CHD6: variants seen among roughly 807,000 people sequenced by gnomAD.
CHD6 encodes the protein chromodomain helicase DNA binding protein 6.
CHD6 carries 50 observed loss-of-function variants against 276.9 expected under a neutral mutation model. That is an observed-to-expected ratio of 0.18 (90% CI 0.14 to 0.23). The LOEUF is 0.23. Ranked by LOEUF, CHD6 falls within the 10% of genes least tolerant of loss-of-function variation. The pLI is 1.00. For synonymous variants in CHD6, 1,173 were observed against 1,229.3 expected (o/e 0.95, Z 0.96); for missense variants, 2,564 against 3,365.8 (o/e 0.76, Z 5.89).
At position 41,457,252 on chromosome 20, in the gene CHD6, C is replaced by G. The variant is rs1165111834; in HGVS notation, c.2829+12G>C. On this transcript the variant is annotated intron_variant, in intron 18 of 36. Coordinates refer to ENST00000373233, the MANE Select transcript of CHD6 (RefSeq NM_032221.5). ...GTTCCTTAAGACTCCAGAGCAGGCCCATCACACTCACCCCATTGGTGCCGC... is the reference window on the plus strand; with the variant it reads ...GTTCCTTAAGACTCCAGAGCAGGCCGATCACACTCACCCCATTGGTGCCGC... 9 of 1,609,972 alleles carry G rather than the reference C, an allele frequency of 5.6e-6. No homozygotes were observed. The highest frequency in any genetic ancestry group is 7.6e-6 in the Non-Finnish European group (9 of 1,176,650).
chr20:41,414,742 G>T, intron 34 of CHD6: 1 of 799,782 alleles, frequency 1.3e-6, no homozygotes, highest in Non-Finnish European at 1.6e-6. Flanking sequence ...CTCAGTTGTA[G>T]CCCAATATCA....
At chr20:41,565,698 T>G (rs1303078712) in intron 1 of CHD6, among the ~76,000 whole-genome samples, 1 of 151,982 alleles carries the variant, frequency 6.6e-6, no homozygotes, top group Non-Finnish European at 1.5e-5. Context: ...CTCTTAGTAC[T>G]ACATCAAGCT....
intron 19 of CHD6, 21 bp downstream of exon 19, chr20:41,455,779 T>C (rs1487117912): frequency 1.3e-6 from 2 of 1,488,302 alleles, no homozygotes; most frequent in Non-Finnish European, 1.8e-6. Flanking sequence ...CCCCAACAGC[T>C]CTGGAGAGAA....
chr20:41,497,796 T>C (rs970685572), intron 7 of CHD6: 22 of 459,002 alleles, frequency 4.8e-5, no homozygotes, highest in Middle Eastern at 5.8e-4. Flanking sequence ...TGAAAGTGGG[T>C]CTGTAGCAGA....
intron 3 of CHD6, among the ~76,000 whole-genome samples, chr20:41,516,536 A>T (rs1297568786): frequency 6.6e-6 from 1 of 152,158 alleles, no homozygotes; most frequent in Non-Finnish European, 1.5e-5. Context: ...AGGTTAAGTT[A>T]GATTTCCAGG....
rs1013015456 is a variant in CHD6, at chr20:41,402,903, ATTC to A, written c.*1687_*1689del. On this transcript the variant is annotated 3_prime_UTR_variant, in exon 37 of 37. Coordinates refer to ENST00000373233, the MANE Select transcript of CHD6 (RefSeq NM_032221.5). Reference sequence around the variant, plus strand: ...TAAATAGGATTTGTTCAATTACTGGATTCTTCTTCTATGATCAGTTATAGAATT... The same window carrying A: ...TAAATAGGATTTGTTCAATTACTGGATTCTTCTATGATCAGTTATAGAATT... 1.4e-5 allele frequency: 3 copies of A among 206,916 alleles called. No homozygotes were observed. Among genetic ancestry groups the A allele is most frequent in the Non-Finnish European group, 3.0e-5 (3 of 101,254 alleles). 12.8% of individuals were successfully genotyped at this position (206,916 alleles called of 1,614,324 possible). A position where few individuals can be genotyped will look rare whatever the true frequency, so the allele number is the denominator to read the frequency against.
At chr20:41,523,772 GAGTT>G (rs1442087412) in intron 3 of CHD6, among the ~76,000 whole-genome samples, 1 of 151,960 alleles carries the variant, frequency 6.6e-6, no homozygotes, top group African/African-American at 2.4e-5. Context: ...CTAGAACTGA[GAGTT>G]AGGAAGTGAG....
At chr20:41,465,329 CCT>C (rs1422461125) in intron 17 of CHD6, among the ~76,000 whole-genome samples, 1 of 152,098 alleles carries the variant, frequency 6.6e-6, no homozygotes, top group Non-Finnish European at 1.5e-5. Flanking sequence ...TCACGCATCC[CCT>C]GATACAATGC....
At chr20:41,615,095 C>T (rs1236922277) in intron 1 of CHD6, among the ~76,000 whole-genome samples, 1 of 152,180 alleles carries the variant, frequency 6.6e-6, no homozygotes, top group Non-Finnish European at 1.5e-5. Context: ...GAGAGAACTA[C>T]TGGTGAAAAG....
intron 31 of CHD6, among the ~76,000 whole-genome samples, chr20:41,420,301 A>C (rs954494535): frequency 4.6e-5 from 7 of 152,120 alleles, no homozygotes; most frequent in African/African-American, 1.7e-4. Flanking sequence ...AACTGCTATG[A>C]TTGTCTATGA....
At chr20:41,451,771 G>T in intron 22 of CHD6, 55 bp downstream of exon 22, 1 of 1,480,310 alleles carries the variant, frequency 6.8e-7, no homozygotes, top group Non-Finnish European at 9.4e-7. Flanking sequence ...CAGAGGAAGA[G>T]GGGATGAAGT....
rs138296129 is a variant in CHD6 at position 41,472,594 on chromosome 20, G to T, written c.2664+728C>A. On this transcript the variant is annotated intron_variant, in intron 17 of 36. Coordinates refer to ENST00000373233, the MANE Select transcript of CHD6 (RefSeq NM_032221.5). ...ATATTCCATATTGTCTTATTGACAA[G>T]TTAGAATCTTTTTGGCTGACTTCGC... Among the ~76,000 whole-genome samples, 851 of 152,270 alleles carry T rather than the reference G, an allele frequency of 5.6e-3. 8 individuals carry two copies. Among genetic ancestry groups the T allele is most frequent in the Middle Eastern group, 0.024 (7 of 294 alleles).
intron 27 of CHD6, among the ~76,000 whole-genome samples, chr20:41,433,706 C>A (rs758373529): frequency 3.3e-5 from 5 of 152,118 alleles, no homozygotes; most frequent in Non-Finnish European, 7.4e-5. Flanking sequence ...GTAAATATAG[C>A]ATATTTTCCT....
intron 22 of CHD6, 91 bp from the exon 23 acceptor site, chr20:41,451,196 C>T (rs977167490): frequency 1.7e-6 from 2 of 1,157,274 alleles, no homozygotes; most frequent in African/African-American, 3.0e-5. Context: ...TTTGTTAGAA[C>T]AGAGTTGGGC....
chr20:41,542,746 A>G (rs906357403), intron 2 of CHD6, among the ~76,000 whole-genome samples: 4 of 152,112 alleles, frequency 2.6e-5, no homozygotes, highest in East Asian at 1.9e-4. Flanking sequence ...GTTCTTTTAT[A>G]TATCTCAGCC....
At chr20:41,453,286 C>G (rs1244688616) in intron 20 of CHD6, among the ~76,000 whole-genome samples, 1 of 152,212 alleles carries the variant, frequency 6.6e-6, no homozygotes, top group Non-Finnish European at 1.5e-5. Context: ...AGTGAAGACC[C>G]AGCTGTTCTG....
At chr20:41,415,813 T>G (rs758235843) in intron 33 of CHD6, among the ~76,000 whole-genome samples, 175 bp from the exon 34 acceptor site, 144 of 152,356 alleles carry the variant, frequency 9.5e-4, no homozygotes, top group Non-Finnish European at 1.5e-3. Context: ...CAGATTCTAC[T>G]TCAGTGGGTC....
chr20:41,405,262 G>A lies in CHD6; in HGVS notation c.7479C>T (p.Thr2493=), dbSNP rs145890259. 55 of 1,614,184 alleles carry A rather than the reference G, an allele frequency of 3.4e-5. No homozygotes were observed. The Admixed American group carries it at 5.0e-4, about 15-fold the overall frequency. The change falls in exon 37 of 37, where the codon ACC becomes ACT. Residue 2493 remains threonine, a synonymous_variant. Coordinates refer to ENST00000373233, the MANE Select transcript of CHD6 (RefSeq NM_032221.5). ...AGCCAGCTGGAAACCCCACCAGCCC[G>A]GTGAGGGGGATGCCTGGCATATTTC... is the stretch of plus-strand genomic sequence containing the variant. ...NMRNMPGIPL[T]GLVGFPAGFA...
intron 1 of CHD6, among the ~76,000 whole-genome samples, chr20:41,579,886 G>T (rs150838132): frequency 6.5e-4 from 99 of 152,186 alleles, no homozygotes; most frequent in African/African-American, 2.3e-3. Flanking sequence ...TACAATCAAA[G>T]AAATAATCTT....
Sources: allele counts gnomAD v4.1 joint callset (sites outside exome capture counted in the v4.1 genomes callset), GRCh38; gene constraint gnomAD v4.1.1; transcripts MANE v1.5; gene names NCBI Gene and HGNC (gene_info 2026-07-23, HGNC 2026-07-21).